The following NRXN1 variants were observed in gnomAD, a reference collection of about 807,000 sequenced individuals.
NRXN1 encodes the protein neurexin 1, also known as neurexin-1.
In NRXN1, 39 loss-of-function variants were observed where a neutral mutation model predicts 150.9. The observed-to-expected ratio is 0.26, with a 90% CI of 0.20 to 0.34. The LOEUF is 0.34. Among genes scored for constraint, NRXN1 ranks in the 10% least tolerant of loss-of-function variants. NRXN1 has a pLI of 1.00. For synonymous variants in NRXN1, 924 were observed against 757.0 expected, an observed-to-expected ratio of 1.22 and a Z score of -3.62; for missense variants, 1,815 against 1,949.9, an observed-to-expected ratio of 0.93 and a Z score of 1.30.
rs576180760 is a variant in NRXN1 at position 50,411,037 on chromosome 2, C to T, written c.3364+54405G>A. 8.6e-5 allele frequency among the ~76,000 whole-genome samples: 13 copies of T among 151,958 alleles called. No individual in the cohort carries two copies. The South Asian group carries it at 2.7e-3, about 32-fold the overall frequency. ...GGTTTTTAAAAATAATCTCCCTCTCCCTCTCCCCCTCCCCGTCCCTCTCCC... is the reference window on the plus strand; with the variant it reads ...GGTTTTTAAAAATAATCTCCCTCTCTCTCTCCCCCTCCCCGTCCCTCTCCC... On this transcript the variant is annotated intron_variant, in intron 17 of 22. Coordinates refer to ENST00000401669, the MANE Select transcript of NRXN1 (RefSeq NM_001330078.2).
At chr2:50,380,427 G>C (rs2080872502) in intron 17 of NRXN1, among the ~76,000 whole-genome samples, 1 of 152,066 alleles carries the variant, frequency 6.6e-6, no homozygotes, top group Admixed American at 6.6e-5. Context: ...CAAATAAACA[G>C]TTGTTTTCAA....
chr2:50,739,628 C>G (rs762740489), intron 5 of NRXN1, among the ~76,000 whole-genome samples: 3 of 152,108 alleles, frequency 2.0e-5, no homozygotes, highest in Non-Finnish European at 4.4e-5. Flanking sequence ...GGTCTTAACT[C>G]TATTCCATAA....
intron 5 of NRXN1, among the ~76,000 whole-genome samples, chr2:50,769,197 A>G (rs896008134): frequency 3.9e-5 from 6 of 152,036 alleles, no homozygotes; most frequent in South Asian, 4.1e-4. Flanking sequence ...TCAGATATCT[A>G]TAGTTCATAC....
intron 18 of NRXN1, 80 bp from the exon 19 acceptor site, chr2:50,091,574 T>G: frequency 6.8e-7 from 1 of 1,460,932 alleles, no homozygotes; most frequent in Non-Finnish European, 9.5e-7. Flanking sequence ...AAGGTATTGT[T>G]TTAAAATGTG....
chr2:50,349,346 A>G (rs893659431), intron 17 of NRXN1, among the ~76,000 whole-genome samples: 5 of 152,042 alleles, frequency 3.3e-5, no homozygotes, highest in Non-Finnish European at 7.4e-5. Flanking sequence ...GTCATTTCTT[A>G]CTCATTTTGT....
intron 2 of NRXN1, among the ~76,000 whole-genome samples, chr2:50,972,384 A>T (rs556620182): frequency 5.9e-5 from 9 of 152,172 alleles, no homozygotes; most frequent in East Asian, 3.9e-4. Flanking sequence ...ACTTTGTGGG[A>T]AGTGGAATAT....
intron 5 of NRXN1, among the ~76,000 whole-genome samples, chr2:50,734,752 C>G (rs534182791): frequency 6.6e-6 from 1 of 151,692 alleles, no homozygotes; most frequent in Non-Finnish European, 1.5e-5. Flanking sequence ...CATAACCCCC[C>G]CAAAACAACA....
At chr2:50,544,632 C>A (rs533246814) in intron 9 of NRXN1, among the ~76,000 whole-genome samples, 2 of 152,150 alleles carry the variant, frequency 1.3e-5, no homozygotes, top group East Asian at 3.9e-4. Flanking sequence ...GGGGAAAGGG[C>A]ACTTCAATAA....
At chr2:50,067,013 A>C (rs920198292) in intron 19 of NRXN1, among the ~76,000 whole-genome samples, 6 of 152,218 alleles carry the variant, frequency 3.9e-5, no homozygotes, top group Admixed American at 3.9e-4. Flanking sequence ...AGCTAGAAAG[A>C]GCACGCACAG....
In NRXN1 at chr2:50,770,327, T is replaced by A. The variant is rs1005899712; in HGVS notation, c.833-146712A>T. On this transcript the variant is annotated intron_variant, in intron 5 of 22. Transcript: ENST00000401669. ...TTTGTACACGTACATAATTTTATAT[T>A]TTATATATATATATATGATAGATGA... Among the ~76,000 whole-genome samples, 4 of 151,388 alleles carry A rather than the reference T, an allele frequency of 2.6e-5. No homozygotes were observed. In the East Asian group the frequency reaches 7.8e-4, roughly 29 times the overall value.
chr2:50,380,593 A>G (rs1288052632), intron 17 of NRXN1, among the ~76,000 whole-genome samples: 1 of 152,118 alleles, frequency 6.6e-6, no homozygotes, highest in East Asian at 1.9e-4. Flanking sequence ...TAAAGTGGGA[A>G]AAATACCTAG....
chr2:50,346,983 G>A lies in NRXN1; in HGVS notation c.3365-110013C>T. 3.7e-6 allele frequency: 5 copies of A among 1,361,614 alleles called. No individual in the cohort carries two copies. Among genetic ancestry groups the A allele is most frequent in the East Asian group, 3.9e-5 (1 of 25,842 alleles). The allele number at this position is 1,361,614 out of a possible 1,614,324, so 84.3% of individuals were successfully genotyped here. On this transcript the variant is annotated intron_variant, in intron 17 of 22. Transcript: ENST00000401669. This position sits in a 1 kb window ranked among gnomAD's most constrained non-coding sequence, Gnocchi z 5.0. Reference sequence around the variant, plus strand: ...GCCCGCCGAGGGGCAGCCGCCGCGGGAGGCAAAGTTTGGGGCGCGGGGAGA... The same window carrying A: ...GCCCGCCGAGGGGCAGCCGCCGCGGAAGGCAAAGTTTGGGGCGCGGGGAGA...
chr2:50,921,644 C>A (rs1215942566), intron 5 of NRXN1, among the ~76,000 whole-genome samples: 1 of 151,266 alleles, frequency 6.6e-6, no homozygotes, highest in African/African-American at 2.4e-5. Context: ...TATGTGAGCA[C>A]CTGACATGAA....
intron 5 of NRXN1, among the ~76,000 whole-genome samples, chr2:50,656,794 T>C (rs1408411446): frequency 3.3e-5 from 5 of 151,856 alleles, no homozygotes; most frequent in African/African-American, 9.7e-5. Flanking sequence ...TGTTATGTCA[T>C]TCACACTAGA....
chr2:50,486,740 G>A (rs1251659338), intron 15 of NRXN1, among the ~76,000 whole-genome samples: 2 of 152,118 alleles, frequency 1.3e-5, no homozygotes, highest in Non-Finnish European at 2.9e-5. Flanking sequence ...CATCATACTA[G>A]TCAACCTCTA....
chr2:50,045,136 T>C lies in NRXN1; in HGVS notation c.4128+8135A>G, dbSNP rs531281383. 1.8e-4 allele frequency among the ~76,000 whole-genome samples: 26 copies of C among 146,866 alleles called. 1 individual carries two copies. The South Asian group carries it at 5.5e-3, about 31-fold the overall frequency. ...ATGGTGTTAATGTATTTTTTATTGC[T>C]GGAGAACTTTTCAGTGATACCAACA... On this transcript the variant is annotated intron_variant, in intron 21 of 22. Coordinates refer to ENST00000401669, the MANE Select transcript of NRXN1 (RefSeq NM_001330078.2).
chr2:50,652,274 T>A, intron 5 of NRXN1, among the ~76,000 whole-genome samples: 1 of 152,194 alleles, frequency 6.6e-6, no homozygotes, highest in Middle Eastern at 3.4e-3. Flanking sequence ...TTCGTTTAAG[T>A]ATACAATTCA....
chr2:50,153,587 G>C (rs1485162027), intron 18 of NRXN1, among the ~76,000 whole-genome samples: 1 of 151,624 alleles, frequency 6.6e-6, no homozygotes, highest in African/African-American at 2.4e-5. Flanking sequence ...GTCTTCTCAA[G>C]TTTATTCTGG....
At chr2:50,938,280 T>A (rs766129910) in intron 2 of NRXN1, among the ~76,000 whole-genome samples, 14 of 152,202 alleles carry the variant, frequency 9.2e-5, no homozygotes, top group Non-Finnish European at 1.8e-4. Context: ...GTGTGCTCGA[T>A]GGCTATTATG....
Sources: allele counts gnomAD v4.1 joint callset (sites outside exome capture counted in the v4.1 genomes callset), GRCh38; gene constraint gnomAD v4.1.1; non-coding constraint Gnocchi (gnomAD v3.1); transcripts MANE v1.5; gene names NCBI Gene and HGNC (gene_info 2026-07-23, HGNC 2026-07-21).